The following RPL5 variants were observed in gnomAD, a reference collection of about 807,000 sequenced individuals.
RPL5 encodes ribosomal protein L5, also known as large ribosomal subunit protein uL18.
A neutral mutation model predicts 38.4 loss-of-function variants in RPL5; 1 was observed. The observed-to-expected ratio is 0.03, with a 90% CI of 0.01 to 0.12. The LOEUF is 0.12. RPL5 is among the 10% of genes least tolerant of loss of function. The pLI is 1.00. For synonymous variants in RPL5, 109 were observed against 121.2 expected (o/e 0.90, Z 0.66); for missense variants, 243 against 374.1 (o/e 0.65, Z 2.89).
In RPL5 at chr1:92,835,094, A is replaced by G. The variant is rs182949781; in HGVS notation, c.324+181A>G. 641 of 828,350 alleles carry G rather than the reference A, an allele frequency of 7.7e-4. 7 individuals are homozygous for G. Among genetic ancestry groups the G allele is most frequent in the Non-Finnish European group, 9.0e-5 (47 of 520,686 alleles). 51.3% of individuals were successfully genotyped at this position (828,350 alleles called of 1,614,324 possible). Reference sequence around the variant, plus strand: ...GCTCTTTCCAATAAAATTTTCTGCAATGACACAAATCTGTAATTTGCTGTC... The same window carrying G: ...GCTCTTTCCAATAAAATTTTCTGCAGTGACACAAATCTGTAATTTGCTGTC... On this transcript the variant is annotated intron_variant, in intron 4 of 7. Coordinates refer to ENST00000370321, the MANE Select transcript of RPL5 (RefSeq NM_000969.5).
At position 92,834,910 on chromosome 1, in the gene RPL5, C is replaced by T. The variant is rs1434128733; in HGVS notation, c.321C>T (p.Arg107=). The T allele has an allele frequency of 5.0e-6, 8 of 1,600,770 alleles. No homozygotes were observed. The highest frequency in any genetic ancestry group is 6.8e-6 in the Non-Finnish European group (8 of 1,179,972). The change falls in exon 4 of 8, where the codon CGC becomes CGT. Residue 107 remains arginine (R), a synonymous_variant. Coordinates refer to ENST00000370321, the MANE Select transcript of RPL5 (RefSeq NM_000969.5). The part of the protein sequence containing the change: ...AAYCTGLLLA[R]RLLNRFGMDK... ...ATTGTACTGGCCTGCTGCTGGCCCG[C>T]AGGGTATGTACAAGATGATTTTAAT...
chr1:92,838,033 G>A (rs2100689748), intron 6 of RPL5, among the ~76,000 whole-genome samples: 1 of 152,292 alleles, frequency 6.6e-6, no homozygotes, highest in East Asian at 1.9e-4. Context: ...TGATCACTGG[G>A]TCTGCGTGAT....
rs1687379670 is a variant in RPL5 at position 92,841,862 on chromosome 1, C to A, written c.891C>A (p.Ser297Arg). The A allele has an allele frequency of 6.2e-7, 1 of 1,609,990 alleles. No individual in the cohort carries two copies. Residue 297 changes from serine (S) to arginine (R), a missense_variant, in exon 8 of 8, where the codon AGC becomes AGA. Physicochemically the swap from Ser to Arg is moderately radical, Grantham distance 110. Transcript: ENST00000370321. ...GAGCTCAGGAGCGGGCTGCTGAGAG[C>A]TAAACCCAGCAATTTTCTATGATTT... ...FLRAQERAAE[S>R] is the part of the protein sequence containing the mutation.
chr1:92,840,867 G>C (rs1183369503), intron 7 of RPL5: 1 of 637,568 alleles, frequency 1.6e-6, no homozygotes, highest in Non-Finnish European at 2.9e-6. Flanking sequence ...ACTGGTTACT[G>C]CATTTTTTTA....
intron 6 of RPL5, among the ~76,000 whole-genome samples, chr1:92,838,359 T>C (rs902474413): frequency 1.3e-5 from 2 of 152,238 alleles, no homozygotes; most frequent in South Asian, 2.1e-4. Flanking sequence ...TTGTTACTTA[T>C]GACTTCATCC....
At chr1:92,840,107 C>T (rs1201061759) in intron 6 of RPL5, among the ~76,000 whole-genome samples, 1 of 151,664 alleles carries the variant, frequency 6.6e-6, no homozygotes, top group East Asian at 1.9e-4. Flanking sequence ...GCAGCCTTGA[C>T]CTCCTGGACT....
Position 92,832,132 on chromosome 1 carries a change from C to T in RPL5, c.3+15C>T. On this transcript the variant is annotated intron_variant, in intron 1 of 7. Transcript: ENST00000370321. ...TCCGCAGGATGGTGAGTGGATGCCT[C>T]GGTCTCGGGGCTTTAGATGCATGGA... The T allele has an allele frequency of 1.9e-6, 3 of 1,614,040 alleles. No individual in the cohort carries two copies. The highest frequency in any genetic ancestry group is 1.1e-5 in the South Asian group (1 of 91,044).
At position 92,833,940 on chromosome 1, in the gene RPL5, C is replaced by A. The variant is rs1687016021; in HGVS notation, c.189+280C>A. 7.4e-6 allele frequency: 3 copies of A among 407,254 alleles called. No individual in the cohort carries two copies. In the East Asian group the frequency reaches 1.6e-4, roughly 21 times the overall value. 25.2% of individuals were successfully genotyped at this position (407,254 alleles called of 1,614,324 possible). ...GGGCAATATAGTGAGAGTTTGTCTT[C>A]ACAAAAAATGTAAGAAAATTAGCTG... On this transcript the variant is annotated intron_variant, in intron 3 of 7. Transcript: ENST00000370321.
In RPL5 at chr1:92,832,073, A is replaced by G. The variant is rs145634330; in HGVS notation, c.-42A>G. On this transcript the variant is annotated 5_prime_UTR_variant, in exon 1 of 8. Coordinates refer to ENST00000370321, the MANE Select transcript of RPL5 (RefSeq NM_000969.5). ...CACCCCCTAGCGCCGCTGGGCCTGC[A>G]GGTCTCTGTCGAGCAGCGGACGCCG... 30 of 1,613,520 alleles carry G rather than the reference A, an allele frequency of 1.9e-5. 1 individual carries two copies. The highest frequency in any genetic ancestry group is 1.6e-4 in the Middle Eastern group (1 of 6,084).
At chr1:92,832,728 T>G in intron 1 of RPL5, 1 of 422,578 alleles carries the variant, frequency 2.4e-6, no homozygotes, top group Non-Finnish European at 4.2e-6. Context: ...CGTCGCCGGA[T>G]GAGTTTTTAA....
At chr1:92,838,223 A>G (rs1687201084) in intron 6 of RPL5, among the ~76,000 whole-genome samples, 1 of 152,178 alleles carries the variant, frequency 6.6e-6, no homozygotes, top group Non-Finnish European at 1.5e-5. Context: ...ACTTTCTGTT[A>G]TTTCTATGCT....
At position 92,833,406 on chromosome 1, in the gene RPL5, T is replaced by C; in HGVS notation, c.21T>C (p.Val7=). 1 of 1,613,502 alleles carries C rather than the reference T, an allele frequency of 6.2e-7. No homozygotes were observed. The highest frequency in any genetic ancestry group is 8.5e-7 in the Non-Finnish European group (1 of 1,179,458). The stretch of plus-strand genomic sequence containing the variant: ...TCTTTAAGGGGTTTGTTAAAGTTGT[T>C]AAGAATAAGGCCTACTTTAAGAGAT... The part of the protein sequence containing the change: MGFVKV[V]KNKAYFKRYQ... Residue 7 remains valine (V), a synonymous_variant, in exon 2 of 8, where the codon GTT becomes GTC. Transcript: ENST00000370321.
chr1:92,832,753 C>T (rs1364497844), intron 1 of RPL5: 3 of 479,634 alleles, frequency 6.3e-6, no homozygotes, highest in African/African-American at 3.9e-5. Context: ...TGGGGTAGGG[C>T]CCCAAGGGTG....
intron 6 of RPL5, among the ~76,000 whole-genome samples, chr1:92,840,009 T>A (rs77244423): frequency 7.7e-6 from 1 of 130,408 alleles, no homozygotes; most frequent in African/African-American, 3.3e-5. Context: ...GCCCTGCTAA[T>A]TTTTTTTTTT....
rs987780520 is a variant in RPL5 at position 92,835,133 on chromosome 1, A to G, written c.324+220A>G. The G allele has an allele frequency of 1.6e-5, 10 of 614,630 alleles. No individual in the cohort carries two copies. In the East Asian group the frequency reaches 2.9e-4, roughly 18 times the overall value. 38.1% of individuals were successfully genotyped at this position (614,630 alleles called of 1,614,324 possible). On this transcript the variant is annotated intron_variant, in intron 4 of 7. Coordinates refer to ENST00000370321, the MANE Select transcript of RPL5 (RefSeq NM_000969.5). ...TAATTTGCTGTCCAGTGGTTTTGCC[A>G]CTAGCGACCTGCAGCTGTTGAGTTC...
intron 1 of RPL5, chr1:92,832,943 T>C: frequency 1.4e-6 from 1 of 706,092 alleles, no homozygotes; most frequent in Non-Finnish European, 2.6e-6. Flanking sequence ...AAGTGGGACA[T>C]AGCGTGTTCC....
intron 5 of RPL5, 39 bp from the exon 6 acceptor site, chr1:92,837,417 A>G (rs1687173474): frequency 1.3e-6 from 2 of 1,550,844 alleles, no homozygotes; most frequent in Admixed American, 3.3e-5. Context: ...AAACTAAGTT[A>G]AGTGAGTCTA....
At chr1:92,835,098 C>A in intron 4 of RPL5, 185 bp downstream of exon 4, 3 of 793,514 alleles carry the variant, frequency 3.8e-6, no homozygotes. Context: ...TCTGCAATGA[C>A]ACAAATCTGT....
Position 92,834,790 on chromosome 1 carries a change from C to A in RPL5, c.201C>A (p.Ala67=), listed in dbSNP as rs1316376338. 1 of 1,613,130 alleles carries A rather than the reference C, an allele frequency of 6.2e-7. No individual in the cohort carries two copies. The highest frequency in any genetic ancestry group is 8.5e-7 in the Non-Finnish European group (1 of 1,179,852). The change falls in exon 4 of 8, where the codon GCC becomes GCA. Residue 67 remains alanine, a synonymous_variant. Coordinates refer to ENST00000370321, the MANE Select transcript of RPL5 (RefSeq NM_000969.5). ...NRDIICQIAY[A]RIEGDMIVCA... ...CTCTCTTACTATAGATTGCTTATGC[C>A]CGTATAGAGGGGGATATGATAGTCT...
Sources: gnomAD v4.1 joint callset for allele counts (sites outside exome capture counted in the v4.1 genomes callset) on GRCh38, gnomAD v4.1.1 for gene constraint, MANE v1.5 for transcripts, NCBI Gene and HGNC (gene_info 2026-07-23, HGNC 2026-07-21) for gene names.